DHRSX: variants seen among roughly 807,000 people sequenced by gnomAD.
DHRSX encodes dehydrogenase/reductase X-linked.
In DHRSX, 31 loss-of-function variants were observed where a neutral mutation model predicts 34.0. The ratio of observed to expected loss-of-function variants is 0.91; its 90% confidence interval spans 0.69 to 1.23. The LOEUF (loss-of-function observed/expected upper bound fraction) is 1.23. Ranked by LOEUF, DHRSX falls within the 50% of genes most tolerant of loss-of-function variation. The pLI is 0.00. For missense variants in DHRSX, 414 were observed against 428.1 expected, an observed-to-expected ratio of 0.97 and a Z score of 0.29; for synonymous variants, 201 against 183.8, an observed-to-expected ratio of 1.09 and a Z score of -0.76.
intron 3 of DHRSX, among the ~76,000 whole-genome samples, chrX:2,335,642 T>A (rs1263752732): frequency 6.6e-6 from 1 of 151,742 alleles, no homozygotes; most frequent in African/African-American, 2.4e-5. Flanking sequence ...TTAGTAGAGA[T>A]GGGGCTTCAT....
intron 3 of DHRSX, among the ~76,000 whole-genome samples, chrX:2,302,707 G>A (rs982418827): frequency 1.3e-5 from 2 of 152,102 alleles, no homozygotes; most frequent in African/African-American, 2.4e-5. Context: ...AACTGTTACT[G>A]CAAGCTGTCT....
At chrX:2,400,450 T>C (rs2043471983) in intron 3 of DHRSX, among the ~76,000 whole-genome samples, 1 of 152,088 alleles carries the variant, frequency 6.6e-6, no homozygotes. Flanking sequence ...TGAAGACCAG[T>C]AGACACCTAC....
At chrX:2,461,960 T>G (rs1016323968) in intron 1 of DHRSX, among the ~76,000 whole-genome samples, 19 of 152,270 alleles carry the variant, frequency 1.2e-4, no homozygotes, top group African/African-American at 4.3e-4. Context: ...AGTGCTGGGA[T>G]CACAGGCATG....
intron 3 of DHRSX, among the ~76,000 whole-genome samples, chrX:2,380,604 G>A (rs1455652798): frequency 1.3e-5 from 2 of 152,104 alleles, no homozygotes; most frequent in Non-Finnish European, 2.9e-5. Context: ...GGAGGGACCT[G>A]GTGGGAGGTG....
intron 4 of DHRSX, among the ~76,000 whole-genome samples, chrX:2,290,339 C>A (rs1039618468): frequency 2.0e-5 from 3 of 152,162 alleles, no homozygotes; most frequent in African/African-American, 7.2e-5. Context: ...CAGCTGGAAA[C>A]AGACAGGTAT....
At chrX:2,453,754 T>C (rs7062691) in intron 1 of DHRSX, among the ~76,000 whole-genome samples, 29,011 of 150,016 alleles carry the variant, frequency 0.19, 3,956 homozygotes, top group African/African-American at 0.38. Flanking sequence ...ACAGTGATGA[T>C]AGTTAATAAT....
rs766185342 is a variant in DHRSX at position 2,306,980 on chromosome X, T to A, written c.287-15377A>T. ...TTTGTAAATTACTGATTCAATTTCATAACTTGTCATGAAATGAGTCTGTTC... is the reference window on the plus strand; with the variant it reads ...TTTGTAAATTACTGATTCAATTTCAAAACTTGTCATGAAATGAGTCTGTTC... On this transcript the variant is annotated intron_variant, in intron 3 of 6. Coordinates refer to ENST00000334651, the MANE Select transcript of DHRSX (RefSeq NM_145177.3). 2.6e-3 allele frequency among the ~76,000 whole-genome samples: 390 copies of A among 150,486 alleles called. 5 individuals carry two copies. Among genetic ancestry groups the A allele is most frequent in the African/African-American group, 8.4e-3 (344 of 40,960 alleles).
At chrX:2,492,960 C>T (rs1053668458) in intron 1 of DHRSX, among the ~76,000 whole-genome samples, 9 of 152,260 alleles carry the variant, frequency 5.9e-5, no homozygotes, top group African/African-American at 1.4e-4. Context: ...CACGGGCAGT[C>T]GCGGCCTGCG....
At chrX:2,319,750 G>A (rs1285304564) in intron 3 of DHRSX, among the ~76,000 whole-genome samples, 2 of 151,882 alleles carry the variant, frequency 1.3e-5, no homozygotes, top group African/African-American at 4.8e-5. Context: ...AACTTTTGGG[G>A]GAGTCAGAAC....
intron 1 of DHRSX, among the ~76,000 whole-genome samples, chrX:2,452,183 G>A (rs909562526): frequency 3.6e-4 from 53 of 147,110 alleles, no homozygotes; most frequent in African/African-American, 1.1e-3. Flanking sequence ...CTAAGGGACC[G>A]CCGCCATGTA....
intron 6 of DHRSX, among the ~76,000 whole-genome samples, chrX:2,239,405 C>CAAAA (rs35401659): frequency 8.1e-6 from 1 of 124,054 alleles, no homozygotes; most frequent in Non-Finnish European, 1.7e-5. Context: ...GCCGTTTCTA[C>CAAAA]AAAAAAAAAA....
chrX:2,332,171 T>C (rs34032825), intron 3 of DHRSX, among the ~76,000 whole-genome samples: 5,212 of 152,236 alleles, frequency 0.034, 321 homozygotes, highest in African/African-American at 0.12. Context: ...AGAAGGATGA[T>C]GCATTTGTCA....
intron 1 of DHRSX, among the ~76,000 whole-genome samples, chrX:2,469,790 C>T (rs2044561298): frequency 6.6e-6 from 1 of 152,120 alleles, no homozygotes. Flanking sequence ...AAGAATGTGG[C>T]CAAGGGACCG....
At chrX:2,318,354 A>C (rs1330321556) in intron 3 of DHRSX, among the ~76,000 whole-genome samples, 6 of 151,834 alleles carry the variant, frequency 4.0e-5, no homozygotes, top group African/African-American at 1.5e-4. Flanking sequence ...CAATCTCAAA[A>C]AAAAAAAAAG....
At chrX:2,434,495 C>A (rs1305749283) in intron 1 of DHRSX, among the ~76,000 whole-genome samples, 1 of 152,072 alleles carries the variant, frequency 6.6e-6, no homozygotes, top group African/African-American at 2.4e-5. Context: ...CATAGCAAGA[C>A]CCTACCTCTA....
chrX:2,283,123 A>C (rs1203801482), intron 4 of DHRSX, among the ~76,000 whole-genome samples: 3 of 151,926 alleles, frequency 2.0e-5, no homozygotes, highest in Non-Finnish European at 4.4e-5. Flanking sequence ...TTCTCAACCC[A>C]CTTCCTAGAA....
At chrX:2,499,709 C>A (rs1321685376) in intron 1 of DHRSX, among the ~76,000 whole-genome samples, 1 of 152,076 alleles carries the variant, frequency 6.6e-6, no homozygotes, top group Non-Finnish European at 1.5e-5. Context: ...GAGTTTCAGA[C>A]CAGCCTGGGC....
At chrX:2,305,373 T>G (rs573099095) in intron 3 of DHRSX, among the ~76,000 whole-genome samples, 4 of 152,130 alleles carry the variant, frequency 2.6e-5, no homozygotes, top group Non-Finnish European at 4.4e-5. Context: ...GAAACAGGAA[T>G]GCTTTTACAC....
intron 1 of DHRSX, among the ~76,000 whole-genome samples, chrX:2,496,948 T>C (rs1417448338): frequency 6.6e-6 from 1 of 151,240 alleles, no homozygotes; most frequent in Non-Finnish European, 1.5e-5. Flanking sequence ...GTATGTAACA[T>C]GTAATTGGCC....
Sources: gnomAD v4.1 joint callset for allele counts (sites outside exome capture counted in the v4.1 genomes callset) on GRCh38, gnomAD v4.1.1 for gene constraint, MANE v1.5 for transcripts, NCBI Gene and HGNC (gene_info 2026-07-23, HGNC 2026-07-21) for gene names.